The following STAP1 variants were observed in gnomAD, a reference collection of about 807,000 sequenced individuals.
STAP1 encodes signal transducing adaptor family member 1.
In STAP1, 30 loss-of-function variants were observed where a neutral mutation model predicts 37.8. That is an observed-to-expected ratio of 0.79 (90% CI 0.59 to 1.08). The LOEUF (loss-of-function observed/expected upper bound fraction) is 1.08. Ranked by LOEUF, STAP1 falls within the 50% of genes least tolerant of loss-of-function variation. STAP1 has a pLI of 0.00. For synonymous variants in STAP1, 130 were observed against 116.0 expected (o/e 1.12, Z -0.78); for missense variants, 357 against 349.4 (o/e 1.02, Z -0.17).
At position 67,597,332 on chromosome 4, in the gene STAP1, T is replaced by A. The variant is rs144514386; in HGVS notation, c.826+3976T>A. 3.3e-5 allele frequency among the ~76,000 whole-genome samples: 5 copies of A among 152,286 alleles called. No individual in the cohort carries two copies. The East Asian group carries it at 9.7e-4, about 29-fold the overall frequency. Reference sequence around the variant, plus strand: ...CTCTGCCTAGATTTTAGAGAATGTATGAAAATGCCTGGATGTCCAGCCAGA... The same window carrying A: ...CTCTGCCTAGATTTTAGAGAATGTAAGAAAATGCCTGGATGTCCAGCCAGA... On this transcript the variant is annotated intron_variant, in intron 8 of 8. Coordinates refer to ENST00000265404, the MANE Select transcript of STAP1 (RefSeq NM_012108.4).
At chr4:67,585,884 G>T (rs576248004) in intron 6 of STAP1, among the ~76,000 whole-genome samples, 2 of 152,264 alleles carry the variant, frequency 1.3e-5, no homozygotes, top group South Asian at 4.1e-4. Context: ...TTACGAAATT[G>T]TGTATGACAT....
At chr4:67,588,825 C>A (rs1018558308) in intron 6 of STAP1, among the ~76,000 whole-genome samples, 1 of 152,162 alleles carries the variant, frequency 6.6e-6, no homozygotes, top group South Asian at 2.1e-4. Context: ...AACTTTGAGA[C>A]AGACAGTATT....
intron 1 of STAP1, among the ~76,000 whole-genome samples, chr4:67,560,357 A>G (rs1319168185): frequency 6.6e-6 from 1 of 152,166 alleles, no homozygotes; most frequent in African/African-American, 2.4e-5. Context: ...GGTACATTCT[A>G]GGATTCAGTA....
At chr4:67,574,550 A>G (rs1727676957) in intron 2 of STAP1, among the ~76,000 whole-genome samples, 1 of 152,192 alleles carries the variant, frequency 6.6e-6, no homozygotes, top group African/African-American at 2.4e-5. Flanking sequence ...TGTTCTATTT[A>G]GAGTGAAACA....
At chr4:67,571,914 A>G (rs532425739) in intron 2 of STAP1, among the ~76,000 whole-genome samples, 3 of 152,264 alleles carry the variant, frequency 2.0e-5, no homozygotes, top group Admixed American at 6.5e-5. Flanking sequence ...TTCAAATGCC[A>G]TAATAAATTT....
At chr4:67,598,873 T>C (rs1728278406) in intron 8 of STAP1, among the ~76,000 whole-genome samples, 1 of 152,340 alleles carries the variant, frequency 6.6e-6, no homozygotes, top group African/African-American at 2.4e-5. Context: ...TGGAGAGTTT[T>C]CCCAATGTTT....
intron 8 of STAP1, among the ~76,000 whole-genome samples, chr4:67,603,912 G>A (rs1399864521): frequency 1.3e-5 from 2 of 152,048 alleles, no homozygotes; most frequent in South Asian, 2.1e-4. Flanking sequence ...CATGTCCACT[G>A]GCTCCAAGCC....
intron 1 of STAP1, 108 bp from the exon 2 acceptor site, chr4:67,570,976 G>T: frequency 1.1e-6 from 1 of 870,750 alleles, no homozygotes. Context: ...GGATAAAGAA[G>T]ACTTCTTATA....
intron 1 of STAP1, among the ~76,000 whole-genome samples, chr4:67,567,588 C>A (rs546927371): frequency 7.0e-4 from 107 of 152,200 alleles, no homozygotes; most frequent in Non-Finnish European, 1.3e-3. Flanking sequence ...GAACTTACAG[C>A]AAACAATAAT....
chr4:67,606,385 T>A lies in STAP1; in HGVS notation c.*28T>A. The A allele has an allele frequency of 6.3e-7, 1 of 1,583,032 alleles. No homozygotes were observed. The highest frequency in any genetic ancestry group is 1.2e-5 in the South Asian group (1 of 85,908). On this transcript the variant is annotated 3_prime_UTR_variant, in exon 9 of 9. Coordinates refer to ENST00000265404, the MANE Select transcript of STAP1 (RefSeq NM_012108.4). ...TACAATGTGAAAGCTCCTTTGTATA[T>A]CTTGGTAATTTATATTTTCAAAACG...
intron 1 of STAP1, among the ~76,000 whole-genome samples, chr4:67,569,533 T>C (rs1283075574): frequency 6.6e-6 from 1 of 152,162 alleles, no homozygotes; most frequent in African/African-American, 2.4e-5. Context: ...CAAAAACACA[T>C]TGTACAGCTC....
intron 6 of STAP1, among the ~76,000 whole-genome samples, chr4:67,587,214 C>T (rs1421742389): frequency 6.6e-6 from 1 of 152,026 alleles, no homozygotes; most frequent in Non-Finnish European, 1.5e-5. Flanking sequence ...AGTTGTATTA[C>T]CCACAAAACC....
intron 6 of STAP1, among the ~76,000 whole-genome samples, chr4:67,588,503 G>A (rs1487379320): frequency 1.3e-5 from 2 of 151,788 alleles, no homozygotes; most frequent in Non-Finnish European, 2.9e-5. Context: ...TCCGCCTCCC[G>A]GGTTCACGCC....
At chr4:67,574,609 T>G (rs1181336907) in intron 2 of STAP1, among the ~76,000 whole-genome samples, 1 of 152,186 alleles carries the variant, frequency 6.6e-6, no homozygotes, top group Non-Finnish European at 1.5e-5. Flanking sequence ...CATTTTTTCC[T>G]TTACTTTTTA....
chr4:67,569,015 T>G (rs1228250138), intron 1 of STAP1, among the ~76,000 whole-genome samples: 5 of 152,196 alleles, frequency 3.3e-5, no homozygotes, highest in Admixed American at 6.5e-5. Context: ...AAATGCATTG[T>G]TAGGTGATTT....
intron 1 of STAP1, among the ~76,000 whole-genome samples, chr4:67,568,564 GTTAT>G (rs1466997458): frequency 6.6e-6 from 1 of 151,910 alleles, no homozygotes; most frequent in Non-Finnish European, 1.5e-5. Context: ...GTTTAACTAG[GTTAT>G]TTAAATATTT....
At chr4:67,587,676 A>C (rs1215795852) in intron 6 of STAP1, among the ~76,000 whole-genome samples, 1 of 152,006 alleles carries the variant, frequency 6.6e-6, no homozygotes, top group African/African-American at 2.4e-5. Flanking sequence ...AGCTAAGAAC[A>C]AGTATTTATA....
intron 1 of STAP1, among the ~76,000 whole-genome samples, chr4:67,560,446 G>T (rs984675247): frequency 2.0e-5 from 3 of 151,994 alleles, no homozygotes; most frequent in Admixed American, 1.3e-4. Context: ...TGGAGAATAT[G>T]GAAAAAAACA....
chr4:67,581,046 T>A (rs541356095), intron 4 of STAP1, among the ~76,000 whole-genome samples: 1 of 152,188 alleles, frequency 6.6e-6, no homozygotes, highest in Non-Finnish European at 1.5e-5. Context: ...AGGCGGGGTG[T>A]TCTTTGCTTT....
Sources: gnomAD v4.1 joint callset for allele counts (sites outside exome capture counted in the v4.1 genomes callset) on GRCh38, gnomAD v4.1.1 for gene constraint, MANE v1.5 for transcripts, NCBI Gene and HGNC (gene_info 2026-07-23, HGNC 2026-07-21) for gene names.